The following ST8SIA1 variants were observed in gnomAD, a reference collection of about 807,000 sequenced individuals.
ST8SIA1 encodes the protein alpha-N-acetylneuraminide alpha-2,8-sialyltransferase.
In ST8SIA1, 16 loss-of-function variants were observed where a neutral mutation model predicts 35.9. The ratio of observed to expected loss-of-function variants is 0.45; its 90% CI spans 0.30 to 0.68. The LOEUF (loss-of-function observed/expected upper bound fraction) is 0.68, where lower values mean the gene tolerates loss of function less well. ST8SIA1 is among the 30% of genes least tolerant of loss of function. The pLI is 0.09. For missense variants in ST8SIA1, 383 were observed against 453.6 expected (o/e 0.84, Z 1.41); for synonymous variants, 170 against 169.6 (o/e 1.00, Z -0.02).
At position 22,196,204 on chromosome 12, in the gene ST8SIA1, A is replaced by G; in HGVS notation, c.*5348T>C. On this transcript the variant is annotated 3_prime_UTR_variant, in exon 5 of 5. Transcript: ENST00000396037. ...CAAATGCTCGCAGGCATGTAAGTCAATTTAAAATATGGTATTTATTCCTTA... is the reference window on the plus strand; with the variant it reads ...CAAATGCTCGCAGGCATGTAAGTCAGTTTAAAATATGGTATTTATTCCTTA... 1 of 152,220 alleles carries G rather than the reference A, an allele frequency of 6.6e-6. No individual in the cohort carries two copies. Among genetic ancestry groups the G allele is most frequent in the East Asian group, 1.9e-4 (1 of 5,196 alleles). The allele number at this position is 152,220 out of a possible 1,614,324, so 9.4% of individuals were successfully genotyped here.
intron 2 of ST8SIA1, among the ~76,000 whole-genome samples, chr12:22,269,480 G>A (rs1865886492): frequency 6.6e-6 from 1 of 152,096 alleles, no homozygotes; most frequent in Non-Finnish European, 1.5e-5. Flanking sequence ...ATTGTAATGT[G>A]TATGTTTATT....
At chr12:22,267,646 T>C (rs1018390005) in intron 2 of ST8SIA1, among the ~76,000 whole-genome samples, 17 of 152,176 alleles carry the variant, frequency 1.1e-4, no homozygotes, top group African/African-American at 4.1e-4. Context: ...CCTTTACTTA[T>C]TTCTCCTGAC....
chr12:22,247,919 T>C (rs1865624186), intron 4 of ST8SIA1, among the ~76,000 whole-genome samples: 1 of 151,944 alleles, frequency 6.6e-6, no homozygotes. Context: ...GAAGAAAAAA[T>C]ACTAATAGTC....
intron 1 of ST8SIA1, among the ~76,000 whole-genome samples, chr12:22,327,105 T>C (rs1311453263): frequency 6.6e-6 from 1 of 152,040 alleles, no homozygotes. Context: ...GACCAAAAAC[T>C]CTCCAACCAC....
intron 4 of ST8SIA1, among the ~76,000 whole-genome samples, chr12:22,219,718 G>GTTTCT (rs1865275829): frequency 1.3e-5 from 2 of 152,092 alleles, no homozygotes; most frequent in Non-Finnish European, 2.9e-5. Flanking sequence ...TTCTGGGAAA[G>GTTTCT]CAAATGGAAA....
chr12:22,224,400 C>T (rs35116949), intron 4 of ST8SIA1, among the ~76,000 whole-genome samples: 11,320 of 151,614 alleles, frequency 0.075, 699 homozygotes, highest in African/African-American at 0.16. Context: ...ACTTCCTCCT[C>T]TTGGGTTCAA....
At chr12:22,237,435 A>G (rs889272632) in intron 4 of ST8SIA1, among the ~76,000 whole-genome samples, 1 of 151,766 alleles carries the variant, frequency 6.6e-6, no homozygotes, top group African/African-American at 2.4e-5. Flanking sequence ...TTTTTTCCCC[A>G]TTATAAAATT....
At position 22,333,260 on chromosome 12, in the gene ST8SIA1, C is replaced by T. The variant is rs557227352; in HGVS notation, c.236+737G>A. On this transcript the variant is annotated intron_variant, in intron 1 of 4. Coordinates refer to ENST00000396037, the MANE Select transcript of ST8SIA1 (RefSeq NM_003034.4). ...TACATCTCCCATCTTCCAGAGGCATCCACAGCCTAAGCCAATAAAAAGAGC... is the reference window on the plus strand; with the variant it reads ...TACATCTCCCATCTTCCAGAGGCATTCACAGCCTAAGCCAATAAAAAGAGC... 3.9e-5 allele frequency among the ~76,000 whole-genome samples: 6 copies of T among 152,322 alleles called. No homozygotes were observed. In the East Asian group the frequency reaches 7.7e-4, roughly 20 times the overall value.
intron 4 of ST8SIA1, among the ~76,000 whole-genome samples, chr12:22,243,825 A>G (rs938809917): frequency 3.3e-5 from 5 of 152,140 alleles, no homozygotes; most frequent in Non-Finnish European, 7.4e-5. Flanking sequence ...TGAGGTCAGG[A>G]GTTCAAGACC....
At chr12:22,250,091 AGCCACCCCAC>A (rs1865652735) in intron 3 of ST8SIA1, among the ~76,000 whole-genome samples, 1 of 152,146 alleles carries the variant, frequency 6.6e-6, no homozygotes, top group Non-Finnish European at 1.5e-5. Context: ...TGATGGGAAC[AGCCACCCCAC>A]TCCCACTCCC....
At chr12:22,309,372 G>A (rs1458034686) in intron 1 of ST8SIA1, among the ~76,000 whole-genome samples, 1 of 152,084 alleles carries the variant, frequency 6.6e-6, no homozygotes, top group Non-Finnish European at 1.5e-5. Context: ...AGTGGTTTTG[G>A]CCAGTCTATG....
chr12:22,292,426 C>A (rs1275140916), intron 1 of ST8SIA1, among the ~76,000 whole-genome samples: 4 of 152,266 alleles, frequency 2.6e-5, no homozygotes, highest in Middle Eastern at 3.4e-3. Flanking sequence ...ATCTTCTGTT[C>A]ACTGTTGTAT....
intron 1 of ST8SIA1, 123 bp from the exon 2 acceptor site, chr12:22,287,416 T>A: frequency 2.2e-6 from 2 of 909,808 alleles, no homozygotes; most frequent in East Asian, 2.5e-5. Flanking sequence ...AAGCATAGCA[T>A]CTCCAGGGTG....
chr12:22,285,442 C>G (rs997192265), intron 2 of ST8SIA1, among the ~76,000 whole-genome samples: 2 of 151,980 alleles, frequency 1.3e-5, no homozygotes, highest in Admixed American at 6.5e-5. Context: ...GCTAAAAGTA[C>G]CTAAAGAGAT....
intron 4 of ST8SIA1, among the ~76,000 whole-genome samples, chr12:22,209,158 G>A (rs535277165): frequency 2.0e-5 from 3 of 152,088 alleles, no homozygotes; most frequent in Non-Finnish European, 4.4e-5. Context: ...GAGACAAGCA[G>A]CAGATTGGGA....
At chr12:22,214,947 A>G (rs1405309989) in intron 4 of ST8SIA1, among the ~76,000 whole-genome samples, 3 of 152,188 alleles carry the variant, frequency 2.0e-5, no homozygotes, top group African/African-American at 7.2e-5. Flanking sequence ...TCCAACTCAG[A>G]TCAGCCTGAC....
chr12:22,220,395 AAGAG>A (rs543259677), intron 4 of ST8SIA1, among the ~76,000 whole-genome samples: 1 of 152,178 alleles, frequency 6.6e-6, no homozygotes, highest in Non-Finnish European at 1.5e-5. Flanking sequence ...CATATTGAAT[AAGAG>A]AGAGAGACAG....
rs1438211626 is a variant in ST8SIA1 at position 22,218,237 on chromosome 12, T to C, written c.585-16199A>G. Among the ~76,000 whole-genome samples, 5 of 151,950 alleles carry C rather than the reference T, an allele frequency of 3.3e-5. No individual in the cohort carries two copies. In the East Asian group the frequency reaches 9.7e-4, roughly 29 times the overall value. Reference sequence around the variant, plus strand: ...TACTCAGGAGGCTGAGACACAAGAATTGCTTGAACCTGGGAGGCAGAGGTT... The same window carrying C: ...TACTCAGGAGGCTGAGACACAAGAACTGCTTGAACCTGGGAGGCAGAGGTT... On this transcript the variant is annotated intron_variant, in intron 4 of 4. Transcript: ENST00000396037.
chr12:22,243,531 C>T (rs1412049575), intron 4 of ST8SIA1, among the ~76,000 whole-genome samples: 1 of 152,174 alleles, frequency 6.6e-6, no homozygotes, highest in Non-Finnish European at 1.5e-5. Flanking sequence ...ACCCTGTTTG[C>T]ATATACTGCT....
Sources: allele counts gnomAD v4.1 joint callset (sites outside exome capture counted in the v4.1 genomes callset), GRCh38; gene constraint gnomAD v4.1.1; transcripts MANE v1.5; gene names NCBI Gene and HGNC (gene_info 2026-07-23, HGNC 2026-07-21).